The following PDE3A variants were observed in gnomAD, a reference collection of about 807,000 sequenced individuals.
PDE3A encodes phosphodiesterase 3A, also known as cGMP-inhibited 3',5'-cyclic phosphodiesterase 3A.
PDE3A carries 43 observed loss-of-function variants against 98.3 expected under a neutral mutation model. The observed-to-expected ratio is 0.44, with a 90% CI of 0.34 to 0.56. The LOEUF (loss-of-function observed/expected upper bound fraction) is 0.56, where lower values mean the gene tolerates loss of function less well. PDE3A is among the 20% of genes least tolerant of loss of function. The pLI, the probability that PDE3A is intolerant of heterozygous loss-of-function variation, is 0.01. For missense variants in PDE3A, 1,427 were observed against 1,440.7 expected, an observed-to-expected ratio of 0.99 and a Z score of 0.15; for synonymous variants, 663 against 567.9, an observed-to-expected ratio of 1.17 and a Z score of -2.38.
intron 6 of PDE3A, 21 bp from the exon 7 acceptor site, chr12:20,633,672 A>G: frequency 1.3e-6 from 2 of 1,507,022 alleles, no homozygotes; most frequent in Non-Finnish European, 1.8e-6. Context: ...CTACACCTAT[A>G]GCTCTTCCAA....
At chr12:20,553,006 C>A in intron 1 of PDE3A, 1 of 1,552,548 alleles carries the variant, frequency 6.4e-7, no homozygotes, top group South Asian at 1.2e-5. Flanking sequence ...CGGCAATGGC[C>A]GGTGATCTCC....
At chr12:20,463,402 G>A (rs993583912) in intron 1 of PDE3A, among the ~76,000 whole-genome samples, 2 of 151,928 alleles carry the variant, frequency 1.3e-5, no homozygotes, top group African/African-American at 2.4e-5. Flanking sequence ...GCAATATTAA[G>A]TATATAGATA....
chr12:20,547,755 C>T (rs1455406849), intron 1 of PDE3A, among the ~76,000 whole-genome samples: 8 of 151,778 alleles, frequency 5.3e-5, no homozygotes, highest in South Asian at 2.1e-4. Flanking sequence ...TTTTTTCTCC[C>T]GAGAAGCCCC....
At chr12:20,590,191 T>C (rs1442139498) in intron 2 of PDE3A, among the ~76,000 whole-genome samples, 1 of 152,046 alleles carries the variant, frequency 6.6e-6, no homozygotes, top group Non-Finnish European at 1.5e-5. Flanking sequence ...CAAATGTAAA[T>C]AGTGGAACTG....
rs1472470873 is a variant in PDE3A, at chr12:20,613,568, C to T, written c.1137C>T (p.Asn379=). ...GCACATCCTTGAGAGCCGTGAGCAA[C>T]TTGCTCAGCACACAGCTCACCTTCC... ...NVCTSLRAVS[N]LLSTQLTFQA... Residue 379 remains asparagine (N), a synonymous_variant, in exon 3 of 16, where the codon AAC becomes AAT. Coordinates refer to ENST00000359062, the MANE Select transcript of PDE3A (RefSeq NM_000921.5). 6.2e-7 allele frequency: 1 copy of T among 1,614,136 alleles called. No homozygotes were observed. Among genetic ancestry groups the T allele is most frequent in the Admixed American group, 1.7e-5 (1 of 60,022 alleles).
In PDE3A at chr12:20,475,169, A is replaced by ATGTGTG. The variant is rs773174440; in HGVS notation, c.961-81488_961-81483dup. The stretch of plus-strand genomic sequence containing the variant: ...TATACCAAATGTAGGAGAGGAAAAA[A>ATGTGTG]TGTGTGTGAGTGTGTGTGTGTGTGT... On this transcript the variant is annotated intron_variant, in intron 1 of 15. Coordinates refer to ENST00000359062, the MANE Select transcript of PDE3A (RefSeq NM_000921.5). Among the ~76,000 whole-genome samples the ATGTGTG allele has an allele frequency of 1.4e-3, 136 of 96,428 alleles. No individual in the cohort carries two copies. The Middle Eastern group carries it at 0.036, about 26-fold the overall frequency. The allele number at this position is 96,428 out of a possible 152,430, so 63.3% of individuals were successfully genotyped here.
intron 1 of PDE3A, among the ~76,000 whole-genome samples, chr12:20,386,934 T>C (rs1169761649): frequency 6.6e-6 from 1 of 152,046 alleles, no homozygotes; most frequent in African/African-American, 2.4e-5. Flanking sequence ...TAATCCATCT[T>C]GAGTTAATTT....
At chr12:20,531,003 C>G (rs1053479397) in intron 1 of PDE3A, among the ~76,000 whole-genome samples, 1 of 152,170 alleles carries the variant, frequency 6.6e-6, no homozygotes, top group Non-Finnish European at 1.5e-5. Context: ...CAGAGGTCTG[C>G]TCCTTTGAAA....
chr12:20,615,464 T>C (rs1943981440), intron 3 of PDE3A, among the ~76,000 whole-genome samples: 1 of 152,152 alleles, frequency 6.6e-6, no homozygotes, highest in Admixed American at 6.5e-5. Context: ...CTTGAGCTCC[T>C]TTCATTTGTG....
chr12:20,433,034 A>G (rs1944722846), intron 1 of PDE3A, among the ~76,000 whole-genome samples: 1 of 152,160 alleles, frequency 6.6e-6, no homozygotes, highest in South Asian at 2.1e-4. Flanking sequence ...TCTAAATGAA[A>G]CAATGTAATT....
intron 2 of PDE3A, among the ~76,000 whole-genome samples, chr12:20,580,361 T>A (rs368041535): frequency 6.6e-6 from 1 of 152,146 alleles, no homozygotes; most frequent in African/African-American, 2.4e-5. Flanking sequence ...ATTTTAATGG[T>A]CTACTGTTGA....
At chr12:20,481,937 T>G (rs1260448961) in intron 1 of PDE3A, among the ~76,000 whole-genome samples, 1 of 148,456 alleles carries the variant, frequency 6.7e-6, no homozygotes, top group Non-Finnish European at 1.5e-5. Context: ...GCTAATTTTT[T>G]GTATTTTTTG....
chr12:20,621,741 G>A (rs1944141865), intron 5 of PDE3A, among the ~76,000 whole-genome samples: 1 of 151,974 alleles, frequency 6.6e-6, no homozygotes, highest in Non-Finnish European at 1.5e-5. Flanking sequence ...TTTAGTGTCT[G>A]TTAAAATTAT....
Position 20,478,914 on chromosome 12 carries a change from GA to G in PDE3A, c.961-77744del, listed in dbSNP as rs1945576301. ...TAGTTGAAATGTCTACCAGCCTTCT[GA>G]ATTTTCTCATGCATTTTTCTCACTG... On this transcript the variant is annotated intron_variant, in intron 1 of 15. Transcript: ENST00000359062. 2.0e-5 allele frequency among the ~76,000 whole-genome samples: 3 copies of G among 152,110 alleles called. No homozygotes were observed. The South Asian group carries it at 6.2e-4, about 32-fold the overall frequency.
intron 1 of PDE3A, among the ~76,000 whole-genome samples, chr12:20,398,098 C>T (rs754478502): frequency 1.3e-4 from 19 of 141,604 alleles, no homozygotes; most frequent in Non-Finnish European, 2.7e-4. Context: ...TTCAGTCTAA[C>T]GTTTTCTGGC....
chr12:20,558,691 AAATAATAAT>A (rs66996145), intron 2 of PDE3A, among the ~76,000 whole-genome samples: 29 of 147,844 alleles, frequency 2.0e-4, no homozygotes, highest in African/African-American at 6.4e-4. Context: ...CCTGCTGACG[AAATAATAAT>A]AATAATAATA....
At chr12:20,641,096 T>C (rs1409090093) in intron 10 of PDE3A, among the ~76,000 whole-genome samples, 1 of 152,104 alleles carries the variant, frequency 6.6e-6, no homozygotes, top group African/African-American at 2.4e-5. Context: ...ATTATGAGCA[T>C]ATTTATTGTT....
At chr12:20,611,703 T>C (rs1454169298) in intron 2 of PDE3A, among the ~76,000 whole-genome samples, 1 of 151,922 alleles carries the variant, frequency 6.6e-6, no homozygotes, top group Non-Finnish European at 1.5e-5. Flanking sequence ...TACTTACAGG[T>C]ATTGCAGGAC....
In PDE3A at chr12:20,684,536, C is replaced by A. The variant is rs915204347; in HGVS notation, c.*4265C>A. Among the ~76,000 whole-genome samples the A allele has an allele frequency of 6.6e-6, 1 of 152,148 alleles. No homozygotes were observed. The highest frequency in any genetic ancestry group is 1.5e-5 in the Non-Finnish European group (1 of 68,020). The stretch of plus-strand genomic sequence containing the variant: ...TCCAGATAATTGAAAGCTAAAATAT[C>A]TATGTACTTTGAAGCCAAACTGAGT... On this transcript the variant is annotated 3_prime_UTR_variant, in exon 16 of 16. Coordinates refer to ENST00000359062, the MANE Select transcript of PDE3A (RefSeq NM_000921.5).
Sources: gnomAD v4.1 joint callset for allele counts (sites outside exome capture counted in the v4.1 genomes callset) on GRCh38, gnomAD v4.1.1 for gene constraint, MANE v1.5 for transcripts, NCBI Gene and HGNC (gene_info 2026-07-23, HGNC 2026-07-21) for gene names.